Variants in XYLB observed in about 807,000 individuals in gnomAD.
XYLB encodes xylulokinase.
A neutral mutation model predicts 78.7 loss-of-function variants in XYLB; 62 were observed. The ratio of observed to expected loss-of-function variants is 0.79; its 90% CI spans 0.64 to 0.97. The LOEUF is 0.97. Among genes scored for constraint, XYLB ranks in the 50% least tolerant of loss-of-function variants. The pLI, the probability that XYLB is intolerant of heterozygous loss-of-function variation, is 0.00. For missense variants in XYLB, 687 were observed against 676.8 expected (o/e 1.02, Z -0.17); for synonymous variants, 245 against 247.4 (o/e 0.99, Z 0.09).
intron 18 of XYLB, among the ~76,000 whole-genome samples, chr3:38,404,867 A>G (rs2125663952): frequency 6.6e-6 from 1 of 152,326 alleles, no homozygotes; most frequent in African/African-American, 2.4e-5. Context: ...AGCAAATTAA[A>G]CCAAATTAAG....
At chr3:38,359,874 G>A (rs1320351715) in intron 2 of XYLB, among the ~76,000 whole-genome samples, 1 of 151,800 alleles carries the variant, frequency 6.6e-6, no homozygotes, top group Non-Finnish European at 1.5e-5. Context: ...CTTTGCACTA[G>A]AGTCTTCTAG....
chr3:38,353,052 C>T (rs1705453850), intron 2 of XYLB, among the ~76,000 whole-genome samples: 2 of 152,116 alleles, frequency 1.3e-5, no homozygotes, highest in African/African-American at 4.8e-5. Flanking sequence ...ATTATTGCCA[C>T]GCACAGATAT....
chr3:38,379,277 G>A lies in XYLB; in HGVS notation c.1226G>A (p.Arg409Gln), dbSNP rs1440425528. The A allele has an allele frequency of 1.2e-5, 20 of 1,613,984 alleles. No individual in the cohort carries two copies. The highest frequency in any genetic ancestry group is 1.6e-4 in the Middle Eastern group (1 of 6,084). The stretch of plus-strand genomic sequence containing the variant: ...GCATTCCCTGGGGATGTGGAGGTTC[G>A]AGCACTAATTGAAGGACAATTCATG... The part of the protein sequence containing the change: ...VAAFPGDVEV[R>Q]ALIEGQFMAK... Residue 409 changes from arginine (R) to glutamine (Q), a missense_variant, in exon 15 of 19, where the codon CGA becomes CAA. Arg to Gln is a conservative substitution (Grantham distance 43). Coordinates refer to ENST00000207870, the MANE Select transcript of XYLB (RefSeq NM_005108.4).
chr3:38,388,117 A>G (rs1707464896), intron 15 of XYLB, among the ~76,000 whole-genome samples: 1 of 151,296 alleles, frequency 6.6e-6, no homozygotes, highest in African/African-American at 2.4e-5. Context: ...TTACCTGCAG[A>G]AAAGGCTTGC....
chr3:38,438,169 C>G, the XYLB span, among the ~76,000 whole-genome samples: 1 of 151,984 alleles, frequency 6.6e-6, no homozygotes, highest in African/African-American at 2.4e-5. Flanking sequence ...TTCAAGGCTA[C>G]AGTGAGTTGA....
chr3:38,350,729 CT>C (rs1705310726), intron 2 of XYLB, among the ~76,000 whole-genome samples: 1 of 151,976 alleles, frequency 6.6e-6, no homozygotes, highest in Non-Finnish European at 1.5e-5. Context: ...AACACAAATG[CT>C]TTTTATGGGA....
chr3:38,408,810 C>G (rs1383388025), intron 18 of XYLB, among the ~76,000 whole-genome samples: 4 of 152,150 alleles, frequency 2.6e-5, no homozygotes, highest in African/African-American at 9.7e-5. Flanking sequence ...TTCCTCGACA[C>G]ATACACCCTC....
At chr3:38,349,393 T>C (rs2844434) in intron 2 of XYLB, among the ~76,000 whole-genome samples, 140,409 of 152,260 alleles carry the variant, frequency 0.92, 65,368 homozygotes, top group East Asian at 1. Flanking sequence ...TGACAGGTTG[T>C]ATTTTTGTTT....
At position 38,368,234 on chromosome 3, in the gene XYLB, A is replaced by G; in HGVS notation, c.623A>G (p.Tyr208Cys). ...GCTGCTTCCCTGTTCCTTGGCTCTT[A>G]CTCCCCTATTGACTACAGTGATGGT... ...SFAASLFLGS[Y>C]SPIDYSDGSG... Residue 208 changes from tyrosine (Y) to cysteine (C), a missense_variant, in exon 8 of 19, where the codon TAC becomes TGC. Physicochemically the swap from Tyr to Cys is radical, Grantham distance 194. Coordinates refer to ENST00000207870, the MANE Select transcript of XYLB (RefSeq NM_005108.4). 1 of 1,613,168 alleles carries G rather than the reference A, an allele frequency of 6.2e-7. No homozygotes were observed. The highest frequency in any genetic ancestry group is 1.1e-5 in the South Asian group (1 of 91,032).
chr3:38,423,984 A>G (rs1231802246), downstream of XYLB, among the ~76,000 whole-genome samples: 1 of 152,208 alleles, frequency 6.6e-6, no homozygotes, highest in African/African-American at 2.4e-5. Flanking sequence ...GAAAACATTA[A>G]TTGGATATGA....
the XYLB span, chr3:38,451,449 C>T: frequency 6.6e-6 from 1 of 152,136 alleles, no homozygotes; most frequent in Admixed American, 6.5e-5. Context: ...ATGATGAAAC[C>T]CTGTATCTAC....
chr3:38,443,314 G>C, the XYLB span, among the ~76,000 whole-genome samples: 1 of 152,194 alleles, frequency 6.6e-6, no homozygotes, highest in Non-Finnish European at 1.5e-5. Flanking sequence ...TTGTTGGATC[G>C]GCTGGTTGGG....
intron 2 of XYLB, among the ~76,000 whole-genome samples, chr3:38,351,365 C>T (rs963980075): frequency 1.3e-5 from 2 of 151,766 alleles, no homozygotes; most frequent in South Asian, 4.2e-4. Context: ...ATAAGTCAGT[C>T]CTCTCCACTG....
intron 9 of XYLB, among the ~76,000 whole-genome samples, chr3:38,372,087 C>A (rs1294193358): frequency 6.6e-6 from 1 of 152,206 alleles, no homozygotes; most frequent in Non-Finnish European, 1.5e-5. Flanking sequence ...GTAGGTGTCA[C>A]ATGTGGGGGA....
At position 38,397,075 on chromosome 3, in the gene XYLB, C is replaced by T. The variant is rs1707901930; in HGVS notation, c.1354C>T (p.Leu452Phe). 6.2e-7 allele frequency: 1 copy of T among 1,614,162 alleles called. No individual in the cohort carries two copies. The highest frequency in any genetic ancestry group is 8.5e-7 in the Non-Finnish European group (1 of 1,180,016). The change falls in exon 17 of 19, where the codon CTT becomes TTT. Residue 452 changes from leucine (L) to phenylalanine (F), a missense_variant. By Grantham distance (22) the Leu-to-Phe change is conservative. Transcript: ENST00000207870. The stretch of plus-strand genomic sequence containing the variant: ...AGAACCTCTGTGTCCTTTTCAGGTG[C>T]TTGCAGATGTGTTTGATGCCCCGGT... ...ASHNREILQV[L>F]ADVFDAPVYV...
At chr3:38,362,754 T>A (rs568541844) in intron 3 of XYLB, among the ~76,000 whole-genome samples, 183 bp from the exon 4 acceptor site, 2 of 152,352 alleles carry the variant, frequency 1.3e-5, no homozygotes, top group African/African-American at 4.8e-5. Flanking sequence ...CCTTTTTATT[T>A]GATTGATGCC....
chr3:38,365,220 A>G lies in XYLB; in HGVS notation c.313A>G (p.Lys105Glu), dbSNP rs1405406686. The G allele has an allele frequency of 6.2e-7, 1 of 1,614,216 alleles. No homozygotes were observed. The highest frequency in any genetic ancestry group is 1.7e-5 in the Admixed American group (1 of 60,034). Reference sequence around the variant, plus strand: ...ACAGCAACACGGAAGTATATACTGGAAGGCTGGAGCCCAGCAGGCACTGAC... The same window carrying G: ...ACAGCAACACGGAAGTATATACTGGGAGGCTGGAGCCCAGCAGGCACTGAC... The part of the protein sequence containing the change: ...AGQQHGSIYW[K>E]AGAQQALTSL... The change falls in exon 5 of 19, where the codon AAG becomes GAG. Residue 105 changes from lysine to glutamate, a missense_variant. Transcript: ENST00000207870.
chr3:38,370,784 G>A (rs1018735098), intron 9 of XYLB, among the ~76,000 whole-genome samples: 3 of 152,184 alleles, frequency 2.0e-5, no homozygotes, highest in Admixed American at 6.5e-5. Flanking sequence ...CCATCACAGC[G>A]GCCCCACCCA....
At chr3:38,450,147 G>A in the XYLB span, among the ~76,000 whole-genome samples, 414 of 152,068 alleles carry the variant, frequency 2.7e-3, 1 homozygote, top group African/African-American at 9.5e-3. Flanking sequence ...GTTTAATTTC[G>A]TATTGCTATG....
Sources: allele counts gnomAD v4.1 joint callset (sites outside exome capture counted in the v4.1 genomes callset), GRCh38; gene constraint gnomAD v4.1.1; transcripts MANE v1.5; gene names NCBI Gene and HGNC (gene_info 2026-07-23, HGNC 2026-07-21).